TESK1: variants seen among roughly 807,000 people sequenced by gnomAD.
TESK1 encodes dual specificity testis-specific protein kinase 1.
TESK1 carries 18 observed loss-of-function variants against 59.9 expected under a neutral mutation model. The ratio of observed to expected loss-of-function variants is 0.30; its 90% CI spans 0.21 to 0.45. The LOEUF (loss-of-function observed/expected upper bound fraction) is 0.45. TESK1 is among the 20% of genes least tolerant of loss of function. The pLI is 1.00. For synonymous variants in TESK1, 341 were observed against 357.4 expected (o/e 0.95, Z 0.52); for missense variants, 748 against 840.9 (o/e 0.89, Z 1.37).
At position 35,608,149 on chromosome 9, in the gene TESK1, T is replaced by C. The variant is rs370758546; in HGVS notation, c.796-11T>C. ...AAGCTGACTTGGAGGTCCCTCCTTC[T>C]GTCCCCACAGGACTTTGGCCTGGAT... On this transcript the variant is annotated splice_polypyrimidine_tract_variant and intron_variant, in intron 7 of 9. Transcript: ENST00000336395. The C allele has an allele frequency of 3.7e-6, 6 of 1,613,928 alleles. No individual in the cohort carries two copies. The East Asian group carries it at 6.7e-5, about 18-fold the overall frequency.
rs1163141760 is a variant in TESK1 at position 35,607,682 on chromosome 9, C to G, written c.711+10C>G. 6.2e-7 allele frequency: 1 copy of G among 1,610,786 alleles called. No individual in the cohort carries two copies. Among genetic ancestry groups the G allele is most frequent in the Admixed American group, 1.7e-5 (1 of 59,934 alleles). The stretch of plus-strand genomic sequence containing the variant: ...GCTGTATGATGAGAAGGTGAGACAT[C>G]AACCCTTCAGATCCCCAAGGCCTTC... On this transcript the variant is annotated intron_variant, in intron 6 of 9. Coordinates refer to ENST00000336395, the MANE Select transcript of TESK1 (RefSeq NM_006285.3). The surrounding 1 kb of genome is among the most constrained non-coding windows in gnomAD (Gnocchi z 4.5).
intron 7 of TESK1, 45 bp from the exon 8 acceptor site, chr9:35,608,115 A>C: frequency 6.2e-7 from 1 of 1,610,380 alleles, no homozygotes; most frequent in Non-Finnish European, 8.5e-7. Flanking sequence ...CAGAAGGAGA[A>C]CCCAAGAAAA....
chr9:35,605,476 T>G lies in TESK1; in HGVS notation c.-144T>G. 3.9e-6 allele frequency: 1 copy of G among 253,512 alleles called. No homozygotes were observed. Among genetic ancestry groups the G allele is most frequent in the East Asian group, 7.6e-5 (1 of 13,114 alleles). 15.7% of individuals were successfully genotyped at this position (253,512 alleles called of 1,614,324 possible). On this transcript the variant is annotated 5_prime_UTR_variant, in exon 1 of 10. Transcript: ENST00000336395. The stretch of plus-strand genomic sequence containing the variant: ...CGGCGCGGCGGGGGCGGGTCCAGGA[T>G]CTTCGGCGGATCTTCCATTCTCAGG...
intron 3 of TESK1, among the ~76,000 whole-genome samples, chr9:35,606,539 TC>T (rs1326058753): frequency 6.6e-6 from 1 of 152,204 alleles, no homozygotes; most frequent in Non-Finnish European, 1.5e-5. Flanking sequence ...ATCTGTGCTG[TC>T]CAATACAGTA....
In TESK1 at chr9:35,607,957, C is replaced by T. The variant is rs200092459; in HGVS notation, c.741C>T (p.Leu247=). The T allele has an allele frequency of 1.6e-5, 26 of 1,614,106 alleles. No individual in the cohort carries two copies. Among genetic ancestry groups the T allele is most frequent in the Middle Eastern group, 1.6e-4 (1 of 6,084 alleles). Residue 247 remains leucine (L), a synonymous_variant, in exon 7 of 10, where the codon CTC becomes CTT. Coordinates refer to ENST00000336395, the MANE Select transcript of TESK1 (RefSeq NM_006285.3). The surrounding 1 kb of genome is among the most constrained non-coding windows in gnomAD (Gnocchi z 4.5). ...ATGTCTTTGCCTTCGGGATTGTCCT[C>T]TGTGAGCTCATCGCCCGAGTACCTG... ...KADVFAFGIV[L]CELIARVPAD... is the part of the protein sequence containing the mutation.
In TESK1 at chr9:35,606,279, T is replaced by TA; in HGVS notation, c.385dup (p.Thr129AsnfsTer17). Reference sequence around the variant, plus strand: ...TGCACCAGGGACAGCTGCACGCTCTTACAGAGGTGAGGATAGGCCAGGAAG... The same window carrying TA: ...TGCACCAGGGACAGCTGCACGCTCTTAACAGAGGTGAGGATAGGCCAGGAAG... On this transcript the variant is annotated frameshift_variant, in exon 3 of 10. Coordinates refer to ENST00000336395, the MANE Select transcript of TESK1 (RefSeq NM_006285.3). LOFTEE classifies it high-confidence loss of function. 6.2e-7 allele frequency: 1 copy of TA among 1,613,980 alleles called. No individual in the cohort carries two copies. The highest frequency in any genetic ancestry group is 8.5e-7 in the Non-Finnish European group (1 of 1,180,002).
At chr9:35,606,139 G>C in intron 2 of TESK1, 34 bp downstream of exon 2, 1 of 1,614,156 alleles carries the variant, frequency 6.2e-7, no homozygotes, top group South Asian at 1.1e-5. Flanking sequence ...AGCTTGCTGG[G>C]CGGGAGAGAA....
At chr9:35,606,768 G>T in intron 3 of TESK1, 69 bp from the exon 4 acceptor site, 3 of 1,468,014 alleles carry the variant, frequency 2.0e-6, no homozygotes, top group Non-Finnish European at 2.8e-6. Flanking sequence ...GTCCCCTAGC[G>T]TGTAAGTGGG....
Position 35,609,531 on chromosome 9 carries a change from C to T in TESK1, c.1670C>T (p.Ser557Leu). 2 of 1,611,728 alleles carry T rather than the reference C, an allele frequency of 1.2e-6. No homozygotes were observed. Among genetic ancestry groups the T allele is most frequent in the African/African-American group, 2.7e-5 (2 of 75,054 alleles). ...LERTEPSPPP[S>L]APREPDEGLP... ...CGGACAGAACCCTCGCCACCCCCTT[C>T]AGCTCCCCGGGAGCCCGATGAGGGG... Residue 557 changes from serine to leucine, a missense_variant, in exon 10 of 10, where the codon TCA (serine) becomes TTA (leucine). Ser to Leu is a moderately radical substitution (Grantham distance 145). This residue lies in a region of TESK1 where 447 missense variants were observed against 466.1 expected (regional missense o/e 0.96). Transcript: ENST00000336395. This position sits in a 1 kb window ranked among gnomAD's most constrained non-coding sequence, Gnocchi z 6.7.
rs1458635137 is a variant in TESK1 at position 35,609,209 on chromosome 9, A to T, written c.1348A>T (p.Thr450Ser). The stretch of plus-strand genomic sequence containing the variant: ...CCCCGAGCTCCCCCGCCGTATGGAG[A>T]CAGCACTGCCAGGTCCTGGCCCTCC... ...SSPELPRRME[T>S]ALPGPGPPAV... Residue 450 changes from threonine to serine, a missense_variant, in exon 10 of 10, where the codon ACA becomes TCA. Around this residue, in one of 3 missense-constraint regions of TESK1, gnomAD observed 447 missense variants for 466.1 expected, o/e 0.96. Coordinates refer to ENST00000336395, the MANE Select transcript of TESK1 (RefSeq NM_006285.3). The surrounding 1 kb of genome is among the most constrained non-coding windows in gnomAD (Gnocchi z 6.7). The T allele has an allele frequency of 6.2e-7, 1 of 1,613,794 alleles. No individual in the cohort carries two copies. The highest frequency in any genetic ancestry group is 8.5e-7 in the Non-Finnish European group (1 of 1,179,998).
chr9:35,606,410 C>A, intron 3 of TESK1, 125 bp downstream of exon 3: 2 of 1,100,034 alleles, frequency 1.8e-6, no homozygotes, highest in Non-Finnish European at 1.3e-6. Flanking sequence ...TCAGGGGAGG[C>A]TTTCCTGAAC....
At chr9:35,608,638 TG>T in intron 9 of TESK1, 129 bp downstream of exon 9, 2 of 884,306 alleles carry the variant, frequency 2.3e-6, no homozygotes, top group Non-Finnish European at 3.4e-6. Flanking sequence ...TGGGGTAGGG[TG>T]GGAGGACATC....
chr9:35,607,733 A>T lies in TESK1; in HGVS notation c.711+61A>T. 1 of 1,475,900 alleles carries T rather than the reference A, an allele frequency of 6.8e-7. No individual in the cohort carries two copies. 91.4% of individuals were successfully genotyped at this position (1,475,900 alleles called of 1,614,324 possible). The stretch of plus-strand genomic sequence containing the variant: ...CGAGACCCTTGAGGTATTCTCATAA[A>T]GCCCCATCCATCCCCAAAACAACCC... On this transcript the variant is annotated intron_variant, in intron 6 of 9. Coordinates refer to ENST00000336395, the MANE Select transcript of TESK1 (RefSeq NM_006285.3). The surrounding 1 kb of genome is among the most constrained non-coding windows in gnomAD (Gnocchi z 4.5).
Position 35,609,971 on chromosome 9 carries a change from AAC to A in TESK1, c.*232_*233del. On this transcript the variant is annotated 3_prime_UTR_variant, in exon 10 of 10. Coordinates refer to ENST00000336395, the MANE Select transcript of TESK1 (RefSeq NM_006285.3). This position sits in a 1 kb window ranked among gnomAD's most constrained non-coding sequence, Gnocchi z 6.7. ...CACAGCATTGCTGACACATGAGACT[AAC>A]ACGTGCAATTATTTAAAAAGATTTC... 1 of 502,804 alleles carries A rather than the reference AAC, an allele frequency of 2.0e-6. No individual in the cohort carries two copies. The highest frequency in any genetic ancestry group is 3.5e-6 in the Non-Finnish European group (1 of 289,036). The allele number at this position is 502,804 out of a possible 1,614,324, so 31.1% of individuals were successfully genotyped here. A position where few individuals can be genotyped will look rare whatever the true frequency, so the allele number is the denominator to read the frequency against.
chr9:35,609,139 C>G lies in TESK1; in HGVS notation c.1278C>G (p.Val426=). The G allele has an allele frequency of 6.2e-7, 1 of 1,614,020 alleles. No homozygotes were observed. The highest frequency in any genetic ancestry group is 8.5e-7 in the Non-Finnish European group (1 of 1,180,040). ...TGGTGACCACTCCGGAGACCCTGGT[C>G]CAGCCTGGGACACCTGCCCGCCGCT... The part of the protein sequence containing the change: ...LPLVTTPETL[V]QPGTPARRCR... Residue 426 remains valine (V), a synonymous_variant, in exon 10 of 10, where the codon GTC becomes GTG. Coordinates refer to ENST00000336395, the MANE Select transcript of TESK1 (RefSeq NM_006285.3). The surrounding 1 kb of genome is among the most constrained non-coding windows in gnomAD (Gnocchi z 6.7).
chr9:35,606,066 T>C lies in TESK1; in HGVS notation c.302T>C (p.Val101Ala). ...PSNRGNTLREVQLMNRLRHPN... is the reference protein window; with the variant it reads ...PSNRGNTLREAQLMNRLRHPN... ...AACCGGGGCAACACACTACGGGAAG[T>C]GCAGCTGATGAACCGGCTCAGGCAC... The change falls in exon 2 of 10, where the codon GTG becomes GCG. Residue 101 changes from valine (V) to alanine (A), a missense_variant. By Grantham distance (64) the Val-to-Ala change is moderately conservative (BLOSUM62 0). Coordinates refer to ENST00000336395, the MANE Select transcript of TESK1 (RefSeq NM_006285.3). The C allele has an allele frequency of 6.2e-7, 1 of 1,613,980 alleles. No homozygotes were observed. Among genetic ancestry groups the C allele is most frequent in the Non-Finnish European group, 8.5e-7 (1 of 1,179,988 alleles).
At position 35,605,652 on chromosome 9, in the gene TESK1, T is replaced by TGGGCCC. The variant is rs1427769533; in HGVS notation, c.39_44dup (p.Pro15_Gly16dup). 1 of 1,246,716 alleles carries TGGGCCC rather than the reference T, an allele frequency of 8.0e-7. No individual in the cohort carries two copies. Among genetic ancestry groups the TGGGCCC allele is most frequent in the Non-Finnish European group, 1.0e-6 (1 of 994,198 alleles). The allele number at this position is 1,246,716 out of a possible 1,614,324, so 77.2% of individuals were successfully genotyped here. On this transcript the variant is annotated inframe_insertion, in exon 1 of 10. Transcript: ENST00000336395. ...GGGAACGGCCCCCACTGCGGGGCCC[T>TGGGCCC]GGGCCCGGGCCTGGAGAGGTGCCGG... is the stretch of plus-strand genomic sequence containing the variant.
Position 35,609,939 on chromosome 9 carries a change from A to C in TESK1, c.*197A>C, listed in dbSNP as rs1038727158. 5.8e-5 allele frequency: 34 copies of C among 582,874 alleles called. No homozygotes were observed. Among genetic ancestry groups the C allele is most frequent in the Non-Finnish European group, 9.4e-5 (32 of 338,950 alleles). The allele number at this position is 582,874 out of a possible 1,614,324, so 36.1% of individuals were successfully genotyped here. ...GCTCGCGTTCCCGTGGGGATCACTG[A>C]ACCAGACACAGCATTGCTGACACAT... is the stretch of plus-strand genomic sequence containing the variant. On this transcript the variant is annotated 3_prime_UTR_variant, in exon 10 of 10. Transcript: ENST00000336395. The surrounding 1 kb of genome is among the most constrained non-coding windows in gnomAD (Gnocchi z 6.7).
intron 1 of TESK1, 48 bp downstream of exon 1, chr9:35,605,886 G>C (rs1028378829): frequency 1.9e-6 from 3 of 1,606,470 alleles, no homozygotes; most frequent in Non-Finnish European, 2.6e-6. Context: ...CCTTCAACCA[G>C]AGGCTGAAAC....
Sources: gnomAD v4.1 joint callset for allele counts (sites outside exome capture counted in the v4.1 genomes callset) on GRCh38, gnomAD v4.1.1 for gene constraint, gnomAD v4.1.1 regional missense constraint, Gnocchi (gnomAD v3.1) non-coding constraint, MANE v1.5 for transcripts, NCBI Gene and HGNC (gene_info 2026-07-23, HGNC 2026-07-21) for gene names.